The following TCF4 variants were observed in gnomAD, a reference collection of about 807,000 sequenced individuals.
The protein encoded by TCF4 is transcription factor 4.
A neutral mutation model predicts 82.1 loss-of-function variants in TCF4; 3 were observed. The observed-to-expected ratio is 0.04, with a 90% CI of 0.02 to 0.09. TCF4 has a LOEUF of 0.09. TCF4 is among the 10% of genes least tolerant of loss of function. The probability of loss-of-function intolerance (pLI) is 1.00; values close to 1 mark genes in which losing one functional copy is unlikely to be tolerated. For synonymous variants in TCF4, 276 were observed against 309.6 expected (o/e 0.89, Z 1.14); for missense variants, 518 against 852.7 (o/e 0.61, Z 4.89).
chr18:55,490,485 T>G (rs2096564494), intron 3 of TCF4, among the ~76,000 whole-genome samples: 2 of 152,180 alleles, frequency 1.3e-5, no homozygotes, highest in South Asian at 4.1e-4. Flanking sequence ...AGATTACTGA[T>G]GTACTATACT....
chr18:55,588,579 A>G (rs1438713543), upstream of TCF4: 1 of 1,522,332 alleles, frequency 6.6e-7, no homozygotes, highest in Non-Finnish European at 8.8e-7. Flanking sequence ...ACATCCCCTC[A>G]CTTCTTTCTT....
chr18:55,531,489 T>C (rs1350855378), intron 3 of TCF4, among the ~76,000 whole-genome samples: 2 of 152,166 alleles, frequency 1.3e-5, no homozygotes, highest in African/African-American at 4.8e-5. Context: ...GAGATATGGA[T>C]GTATACACTG....
At chr18:55,289,882 CAAAA>C (rs34795346) in intron 8 of TCF4, among the ~76,000 whole-genome samples, 1 of 138,512 alleles carries the variant, frequency 7.2e-6, no homozygotes, top group Non-Finnish European at 1.6e-5. Flanking sequence ...AAGGCATTAC[CAAAA>C]AAAAAAAAAT....
Position 55,245,726 on chromosome 18 carries a change from T to C in TCF4, c.1350+8771A>G, listed in dbSNP as rs549443784. ...CCTGTCTCTAATTGTTGAAATTCTA[T>C]GTGGACTCGAATATGAGCTCAATGG... On this transcript the variant is annotated intron_variant, in intron 15 of 19. Coordinates refer to ENST00000354452, the MANE Select transcript of TCF4 (RefSeq NM_001083962.2). 2.6e-5 allele frequency among the ~76,000 whole-genome samples: 4 copies of C among 152,360 alleles called. No individual in the cohort carries two copies. In the South Asian group the frequency reaches 6.2e-4, roughly 24 times the overall value.
At chr18:55,614,918 A>G (rs989830732) in intron 2 of TCF4, among the ~76,000 whole-genome samples, 1 of 152,138 alleles carries the variant, frequency 6.6e-6, no homozygotes, top group African/African-American at 2.4e-5. Context: ...GTTAATTTTT[A>G]TATATGTTCC....
intron 15 of TCF4, among the ~76,000 whole-genome samples, chr18:55,244,626 G>A (rs2052457072): frequency 6.6e-6 from 1 of 152,130 alleles, no homozygotes; most frequent in Non-Finnish European, 1.5e-5. Context: ...AGAGCCAGTC[G>A]GCCTCTGAAG....
upstream of TCF4, among the ~76,000 whole-genome samples, chr18:55,590,037 C>T (rs894576665): frequency 2.6e-5 from 4 of 152,180 alleles, no homozygotes; most frequent in African/African-American, 7.2e-5. Context: ...TTCGCAGGCC[C>T]CATTTCCCTG....
chr18:55,562,860 T>C (rs1372100476), intron 3 of TCF4, among the ~76,000 whole-genome samples: 2 of 152,164 alleles, frequency 1.3e-5, no homozygotes, highest in Admixed American at 1.3e-4. Flanking sequence ...TAACCAGAGA[T>C]AGGTAGATAG....
Position 55,588,029 on chromosome 18 carries a change from G to A in TCF4, c.-21+9C>T. 1 of 982,032 alleles carries A rather than the reference G, an allele frequency of 1.0e-6. No individual in the cohort carries two copies. Among genetic ancestry groups the A allele is most frequent in the Non-Finnish European group, 1.2e-6 (1 of 828,572 alleles). 60.8% of individuals were successfully genotyped at this position (982,032 alleles called of 1,614,324 possible). A position where few individuals can be genotyped will look rare whatever the true frequency, so the allele number is the denominator to read the frequency against. ...CGCCCCGCCGAGCCCCGCAGGCGCCGGTACCTACCGCCCGCGCGCGAGAAG... is the reference window on the plus strand; with the variant it reads ...CGCCCCGCCGAGCCCCGCAGGCGCCAGTACCTACCGCCCGCGCGCGAGAAG... On this transcript the variant is annotated intron_variant, in intron 1 of 19. Coordinates refer to ENST00000354452, the MANE Select transcript of TCF4 (RefSeq NM_001083962.2).
intron 6 of TCF4, chr18:55,401,936 C>A: frequency 1.1e-6 from 1 of 871,996 alleles, no homozygotes; most frequent in Non-Finnish European, 1.4e-6. Context: ...TCCGCCTTGA[C>A]CCTCAGAAAC....
intron 2 of TCF4, among the ~76,000 whole-genome samples, chr18:55,628,676 C>T (rs1603625714): frequency 1.3e-5 from 2 of 152,168 alleles, no homozygotes; most frequent in South Asian, 4.1e-4. Flanking sequence ...GGTTGATGTG[C>T]AAAATATTTT....
intron 5 of TCF4, among the ~76,000 whole-genome samples, chr18:55,438,220 G>C (rs1229918416): frequency 7.0e-6 from 1 of 141,990 alleles, no homozygotes; most frequent in Non-Finnish European, 1.5e-5. Flanking sequence ...AAAAAAAAAA[G>C]TAAATGTAGG....
At chr18:55,386,043 G>T (rs2092574263) in intron 6 of TCF4, among the ~76,000 whole-genome samples, 1 of 152,160 alleles carries the variant, frequency 6.6e-6, no homozygotes. Flanking sequence ...TGCCAGAACA[G>T]AGCCTGAGAC....
Position 55,254,646 on chromosome 18 carries a change from G to A in TCF4, c.1201C>T (p.Arg401Trp), listed in dbSNP as rs1337772395. The part of the protein sequence containing the change: ...ERLDDAIHVL[R>W]NHAVGPSTAM... ...GTGGATGGGCCCACTGCATGGTTCCGGAGAACATGAATAGCATCATCCAGT... is the reference window on the plus strand; with the variant it reads ...GTGGATGGGCCCACTGCATGGTTCCAGAGAACATGAATAGCATCATCCAGT... The change falls in exon 15 of 20, where the codon CGG becomes TGG. Residue 401 changes from arginine (R) to tryptophan (W), a missense_variant. By Grantham distance (101) the Arg-to-Trp change is moderately radical (BLOSUM62 -3). Transcript: ENST00000354452. 5 of 1,613,304 alleles carry A rather than the reference G, an allele frequency of 3.1e-6. No homozygotes were observed. The highest frequency in any genetic ancestry group is 1.7e-4 in the Middle Eastern group (1 of 6,048).
chr18:55,619,603 T>C (rs1050142036), intron 2 of TCF4, among the ~76,000 whole-genome samples: 1 of 152,214 alleles, frequency 6.6e-6, no homozygotes, highest in Non-Finnish European at 1.5e-5. Flanking sequence ...TTGCCTAACT[T>C]TTAGAAGAAA....
At chr18:55,326,979 C>T (rs754488634) in intron 8 of TCF4, among the ~76,000 whole-genome samples, 11 of 152,144 alleles carry the variant, frequency 7.2e-5, no homozygotes, top group Non-Finnish European at 1.3e-4. Context: ...TAATTACTAA[C>T]AGGAGGACGC....
upstream of TCF4, among the ~76,000 whole-genome samples, chr18:55,590,551 C>T (rs2097683414): frequency 6.6e-6 from 1 of 152,216 alleles, no homozygotes; most frequent in Non-Finnish European, 1.5e-5. Context: ...ATAACGCCCA[C>T]TTTACGAATT....
At chr18:55,316,162 T>C (rs1006391631) in intron 8 of TCF4, among the ~76,000 whole-genome samples, 54 of 152,140 alleles carry the variant, frequency 3.5e-4, no homozygotes, top group African/African-American at 1.3e-3. Flanking sequence ...ATCTTTTATG[T>C]GTCCGCATAC....
At chr18:55,367,826 T>C (rs914192988) in intron 6 of TCF4, among the ~76,000 whole-genome samples, 10 of 152,194 alleles carry the variant, frequency 6.6e-5, no homozygotes, top group African/African-American at 2.4e-4. Flanking sequence ...GATTAATAGA[T>C]AGTTAAACTC....
Sources: allele counts gnomAD v4.1 joint callset (sites outside exome capture counted in the v4.1 genomes callset), GRCh38; gene constraint gnomAD v4.1.1; transcripts MANE v1.5; gene names NCBI Gene and HGNC (gene_info 2026-07-23, HGNC 2026-07-21).